The following RABGAP1L variants were observed in gnomAD, a reference collection of about 807,000 sequenced individuals.
RABGAP1L encodes the protein RAB GTPase activating protein 1 like.
In RABGAP1L, 63 loss-of-function variants were observed where a neutral mutation model predicts 137.7. The ratio of observed to expected loss-of-function variants is 0.46; its 90% confidence interval spans 0.37 to 0.56. The LOEUF is 0.56. Among genes scored for constraint, RABGAP1L ranks in the 20% least tolerant of loss-of-function variants. The pLI is 0.00. For synonymous variants in RABGAP1L, 431 were observed against 433.7 expected (o/e 0.99, Z 0.08); for missense variants, 1,095 against 1,244.0 (o/e 0.88, Z 1.80).
At position 174,222,996 on chromosome 1, in the gene RABGAP1L, G is replaced by A. The variant is rs144223438; in HGVS notation, c.331+1832G>A. 9.6e-3 allele frequency among the ~76,000 whole-genome samples: 1,451 copies of A among 151,784 alleles called. 26 individuals carry two copies. The highest frequency in any genetic ancestry group is 0.033 in the African/African-American group (1,387 of 41,424). On this transcript the variant is annotated intron_variant, in intron 3 of 25. Transcript: ENST00000681986. ...ATTAAAAATACAAAAATGGCTGGGC[G>A]GGGTGGCTCAAGCCTGTAATCCCAC...
chr1:174,551,898 C>G (rs1666570906), intron 13 of RABGAP1L, among the ~76,000 whole-genome samples: 1 of 151,032 alleles, frequency 6.6e-6, no homozygotes, highest in Admixed American at 6.6e-5. Flanking sequence ...CAAGAAAACA[C>G]TATAAACAAC....
intron 17 of RABGAP1L, among the ~76,000 whole-genome samples, chr1:174,738,744 A>T (rs983376336): frequency 1.3e-5 from 2 of 152,240 alleles, no homozygotes; most frequent in African/African-American, 2.4e-5. Context: ...TTTATAGTAT[A>T]GTATTAATGA....
intron 13 of RABGAP1L, among the ~76,000 whole-genome samples, chr1:174,486,278 A>G (rs1229318298): frequency 6.6e-6 from 1 of 150,662 alleles, no homozygotes; most frequent in East Asian, 1.9e-4. Context: ...TAACTTTTAA[A>G]AAAACAATTT....
chr1:174,939,121 G>A (rs115727321), intron 19 of RABGAP1L, among the ~76,000 whole-genome samples: 6 of 152,218 alleles, frequency 3.9e-5, no homozygotes, highest in Middle Eastern at 3.4e-3. Context: ...TAGAAAGTTT[G>A]ATATTACCTT....
At chr1:174,722,405 AACATG>A (rs1489235656) in intron 17 of RABGAP1L, among the ~76,000 whole-genome samples, 2 of 152,100 alleles carry the variant, frequency 1.3e-5, no homozygotes, top group African/African-American at 4.8e-5. Flanking sequence ...AGGGTCTCGG[AACATG>A]AATATGACTA....
intron 19 of RABGAP1L, among the ~76,000 whole-genome samples, chr1:174,911,176 T>G (rs1659995230): frequency 6.6e-6 from 1 of 152,176 alleles, no homozygotes; most frequent in Non-Finnish European, 1.5e-5. Context: ...TTTTATATAT[T>G]ATGGACAGCA....
At chr1:174,475,725 T>C (rs1487586928) in intron 13 of RABGAP1L, among the ~76,000 whole-genome samples, 2 of 145,290 alleles carry the variant, frequency 1.4e-5, no homozygotes, top group Non-Finnish European at 3.0e-5. Context: ...GAGTTATGAT[T>C]GTGCTACTGC....
rs1048866688 is a variant in RABGAP1L at position 174,969,265 on chromosome 1, GTTC to G, written c.2434-7_2434-5del. The G allele has an allele frequency of 1.6e-5, 24 of 1,539,906 alleles. No homozygotes were observed. The highest frequency in any genetic ancestry group is 1.9e-5 in the Non-Finnish European group (22 of 1,137,260). ...ACACTAATGCCCACCTCTGGCTATT[GTTC>G]TTCTGCAGAGGGAGAACCGAAGATT... On this transcript the variant is annotated splice_polypyrimidine_tract_variant and intron_variant, in intron 20 of 25. Transcript: ENST00000681986.
chr1:174,967,330 ATTTTTTTTTT>A (rs35787924), intron 20 of RABGAP1L, among the ~76,000 whole-genome samples: 1 of 115,880 alleles, frequency 8.6e-6, no homozygotes, highest in South Asian at 2.7e-4. Context: ...CACCCAGCTA[ATTTTTTTTTT>A]TTTTTTTTTT....
intron 1 of RABGAP1L, among the ~76,000 whole-genome samples, chr1:174,199,220 T>C (rs1393020137): frequency 6.6e-6 from 1 of 152,216 alleles, no homozygotes; most frequent in Non-Finnish European, 1.5e-5. Context: ...ACCTGAATTT[T>C]ATGTTATTTT....
intron 13 of RABGAP1L, among the ~76,000 whole-genome samples, chr1:174,421,300 CT>C (rs1488742189): frequency 6.6e-6 from 1 of 152,136 alleles, no homozygotes; most frequent in Non-Finnish European, 1.5e-5. Flanking sequence ...TTACGTACAT[CT>C]TTTTCCTAGG....
At chr1:174,253,106 GAAA>G (rs1672847407) in intron 7 of RABGAP1L, among the ~76,000 whole-genome samples, 1 of 152,158 alleles carries the variant, frequency 6.6e-6, no homozygotes. Context: ...TAGATGACAG[GAAA>G]AGGTAATGTC....
intron 13 of RABGAP1L, among the ~76,000 whole-genome samples, chr1:174,398,804 C>A (rs1648196217): frequency 6.6e-6 from 1 of 152,106 alleles, no homozygotes; most frequent in Non-Finnish European, 1.5e-5. Flanking sequence ...TAGAAAACTA[C>A]CTTTCTGTTC....
intron 19 of RABGAP1L, among the ~76,000 whole-genome samples, chr1:174,880,463 C>A (rs1006687778): frequency 8.0e-5 from 12 of 150,926 alleles, no homozygotes; most frequent in African/African-American, 2.9e-4. Flanking sequence ...CATAGAGAGA[C>A]CTCATCTCTA....
At chr1:174,486,493 C>T (rs1201137369) in intron 13 of RABGAP1L, among the ~76,000 whole-genome samples, 1 of 151,554 alleles carries the variant, frequency 6.6e-6, no homozygotes, top group Admixed American at 6.6e-5. Flanking sequence ...ACTACATGCA[C>T]CCGCCACCAC....
chr1:174,875,733 C>CTGATTATCAT, intron 19 of RABGAP1L: 1 of 968,776 alleles, frequency 1.0e-6, no homozygotes, highest in Non-Finnish European at 1.2e-6. Flanking sequence ...GCCTGGACAC[C>CTGATTATCAT]TTATAATGCC....
At chr1:174,207,851 G>A (rs1320666942) in intron 1 of RABGAP1L, among the ~76,000 whole-genome samples, 1 of 152,090 alleles carries the variant, frequency 6.6e-6, no homozygotes, top group Non-Finnish European at 1.5e-5. Flanking sequence ...TTAAGGAACT[G>A]GTCTCCTTCA....
chr1:174,261,566 T>C (rs1673582217), intron 7 of RABGAP1L, among the ~76,000 whole-genome samples: 1 of 152,180 alleles, frequency 6.6e-6, no homozygotes, highest in Non-Finnish European at 1.5e-5. Flanking sequence ...ACTGAAAAAA[T>C]CACCCAGGGA....
intron 13 of RABGAP1L, among the ~76,000 whole-genome samples, chr1:174,525,283 T>C (rs758649015): frequency 3.6e-4 from 55 of 152,322 alleles, no homozygotes; most frequent in Non-Finnish European, 5.7e-4. Flanking sequence ...GCATGGGTTG[T>C]CTTTCCATTT....
Sources: gnomAD v4.1 joint callset for allele counts (sites outside exome capture counted in the v4.1 genomes callset) on GRCh38, gnomAD v4.1.1 for gene constraint, MANE v1.5 for transcripts, NCBI Gene and HGNC (gene_info 2026-07-23, HGNC 2026-07-21) for gene names.